The following GPC5 variants were observed in gnomAD, a reference collection of about 807,000 sequenced individuals.
The protein encoded by GPC5 is glypican 5.
A neutral mutation model predicts 53.9 loss-of-function variants in GPC5; 47 were observed. The ratio of observed to expected loss-of-function variants is 0.87; its 90% CI spans 0.69 to 1.11. The LOEUF (loss-of-function observed/expected upper bound fraction) is 1.11, where lower values mean the gene tolerates loss of function less well. GPC5 is among the 50% of genes most tolerant of loss of function. GPC5 has a pLI of 0.00. For missense variants in GPC5, 748 were observed against 713.1 expected, an observed-to-expected ratio of 1.05 and a Z score of -0.56; for synonymous variants, 286 against 263.3, an observed-to-expected ratio of 1.09 and a Z score of -0.84.
chr13:92,191,873 C>T (rs953273216), intron 7 of GPC5, among the ~76,000 whole-genome samples: 8 of 152,118 alleles, frequency 5.3e-5, no homozygotes, highest in African/African-American at 1.4e-4. Flanking sequence ...ATTTTTGACT[C>T]AGGATATTTT....
At chr13:91,997,437 C>T (rs532620161) in intron 6 of GPC5, among the ~76,000 whole-genome samples, 1 of 152,240 alleles carries the variant, frequency 6.6e-6, no homozygotes, top group South Asian at 2.1e-4. Flanking sequence ...CTTTCCATTC[C>T]AGACCAGTTC....
chr13:92,794,119 A>G (rs1876567063), intron 7 of GPC5, among the ~76,000 whole-genome samples: 1 of 152,060 alleles, frequency 6.6e-6, no homozygotes, highest in South Asian at 2.1e-4. Context: ...GATGAACAAC[A>G]AAGCGAAAAT....
chr13:91,824,084 A>G (rs1274068605), intron 5 of GPC5, among the ~76,000 whole-genome samples: 2 of 152,084 alleles, frequency 1.3e-5, no homozygotes, highest in Non-Finnish European at 2.9e-5. Flanking sequence ...AATAAAACAA[A>G]TGCAATTTAA....
intron 7 of GPC5, among the ~76,000 whole-genome samples, chr13:92,851,197 T>A (rs1346267192): frequency 1.3e-5 from 2 of 152,044 alleles, no homozygotes; most frequent in African/African-American, 4.8e-5. Context: ...GCCCCCATGA[T>A]CCAATCACCT....
intron 7 of GPC5, among the ~76,000 whole-genome samples, chr13:92,648,304 C>T (rs1158704548): frequency 6.6e-6 from 1 of 152,022 alleles, no homozygotes; most frequent in Non-Finnish European, 1.5e-5. Context: ...CAAGAGGCAA[C>T]ATGCTCAGTC....
intron 2 of GPC5, among the ~76,000 whole-genome samples, chr13:91,691,905 A>C (rs2035765819): frequency 1.3e-5 from 2 of 152,170 alleles, no homozygotes; most frequent in South Asian, 4.1e-4. Context: ...TACGGTTGGG[A>C]CTATAGGAGA....
intron 2 of GPC5, among the ~76,000 whole-genome samples, chr13:91,564,580 T>A (rs1484516821): frequency 6.6e-6 from 1 of 152,274 alleles, no homozygotes; most frequent in East Asian, 1.9e-4. Flanking sequence ...TGCAAAGCAA[T>A]CTCATGAGCA....
chr13:92,692,274 C>A (rs757623460), intron 7 of GPC5, among the ~76,000 whole-genome samples: 1 of 152,004 alleles, frequency 6.6e-6, no homozygotes, highest in East Asian at 1.9e-4. Flanking sequence ...TCCAGTTCAC[C>A]GATGAGGGAC....
chr13:91,571,057 CTTG>C (rs1008087001), intron 2 of GPC5, among the ~76,000 whole-genome samples: 17 of 152,156 alleles, frequency 1.1e-4, no homozygotes, highest in Non-Finnish European at 2.5e-4. Flanking sequence ...ATTCAAAATT[CTTG>C]TTGTATTTGG....
In GPC5 at chr13:91,750,933, A is replaced by C. The variant is rs562055762; in HGVS notation, c.1155-5362A>C. On this transcript the variant is annotated intron_variant, in intron 4 of 7. Transcript: ENST00000377067. ...CACATTGGCCTCCCAAAGTGCTGGG[A>C]TTACAGGTGTGAGCCATTGCGCCTG... Among the ~76,000 whole-genome samples the C allele has an allele frequency of 3.3e-5, 5 of 151,570 alleles. No homozygotes were observed. The South Asian group carries it at 1.0e-3, about 32-fold the overall frequency.
chr13:92,450,907 G>T (rs1442979806), intron 7 of GPC5, among the ~76,000 whole-genome samples: 5 of 152,084 alleles, frequency 3.3e-5, no homozygotes, highest in African/African-American at 9.7e-5. Context: ...GAGTTATTGA[G>T]GGAAAACTAA....
intron 2 of GPC5, among the ~76,000 whole-genome samples, chr13:91,536,101 A>G (rs1197283288): frequency 6.6e-6 from 1 of 152,178 alleles, no homozygotes; most frequent in African/African-American, 2.4e-5. Context: ...TCACCTTTTT[A>G]TACTATTACC....
intron 2 of GPC5, among the ~76,000 whole-genome samples, chr13:91,496,135 A>T (rs1884249638): frequency 6.8e-6 from 1 of 146,132 alleles, no homozygotes; most frequent in African/African-American, 2.6e-5. Flanking sequence ...TACGAATTTT[A>T]AAAACAATTG....
chr13:92,458,434 G>A (rs1391366272), intron 7 of GPC5, among the ~76,000 whole-genome samples: 1 of 151,986 alleles, frequency 6.6e-6, no homozygotes, highest in Non-Finnish European at 1.5e-5. Flanking sequence ...AAATAGCTGG[G>A]ATTACAGGGG....
intron 2 of GPC5, among the ~76,000 whole-genome samples, chr13:91,451,222 T>G (rs544623772): frequency 2.0e-5 from 3 of 152,332 alleles, no homozygotes; most frequent in African/African-American, 7.2e-5. Flanking sequence ...TTTTTAGTTT[T>G]CAAATAGTTC....
At chr13:91,466,825 T>A (rs1362400565) in intron 2 of GPC5, among the ~76,000 whole-genome samples, 1 of 152,122 alleles carries the variant, frequency 6.6e-6, no homozygotes, top group Non-Finnish European at 1.5e-5. Context: ...TCTATCTTAG[T>A]TTTAACGAAG....
intron 6 of GPC5, among the ~76,000 whole-genome samples, chr13:92,131,671 T>C (rs1306533092): frequency 1.3e-5 from 2 of 151,970 alleles, no homozygotes; most frequent in Non-Finnish European, 2.9e-5. Flanking sequence ...GAGGTCAGTA[T>C]AGGAGTTACC....
At chr13:92,345,123 G>T (rs2043399842) in intron 7 of GPC5, among the ~76,000 whole-genome samples, 1 of 151,998 alleles carries the variant, frequency 6.6e-6, no homozygotes, top group African/African-American at 2.4e-5. Context: ...GGAGTTACCA[G>T]AATAATTATG....
At chr13:91,665,284 C>A (rs183310034) in intron 2 of GPC5, among the ~76,000 whole-genome samples, 41 of 152,258 alleles carry the variant, frequency 2.7e-4, no homozygotes, top group African/African-American at 9.6e-4. Context: ...ATACTTAGTA[C>A]TTCTTTATGT....
Sources: allele counts gnomAD v4.1 joint callset (sites outside exome capture counted in the v4.1 genomes callset), GRCh38; gene constraint gnomAD v4.1.1; transcripts MANE v1.5; gene names NCBI Gene and HGNC (gene_info 2026-07-23, HGNC 2026-07-21).